Variants in EHMT1 observed in about 807,000 individuals in gnomAD.
EHMT1 encodes the protein histone-lysine N-methyltransferase EHMT1.
EHMT1 carries 15 observed loss-of-function variants against 147.2 expected under a neutral mutation model. The observed-to-expected ratio is 0.10, with a 90% CI of 0.07 to 0.16. EHMT1 has a LOEUF of 0.16. EHMT1 is among the 10% of genes least tolerant of loss of function. The probability of loss-of-function intolerance (pLI) is 1.00; values close to 1 mark genes in which losing one functional copy is unlikely to be tolerated. For missense variants in EHMT1, 1,587 were observed against 1,772.4 expected (o/e 0.90, Z 1.88); for synonymous variants, 795 against 709.6 (o/e 1.12, Z -1.91).
chr9:137,704,762 T>TCCTGCCGTCCCTCCCTCCCG (rs1944109551), intron 1 of EHMT1, among the ~76,000 whole-genome samples: 1 of 148,570 alleles, frequency 6.7e-6, no homozygotes, highest in African/African-American at 2.6e-5. Context: ...TTTCCCTTCC[T>TCCTGCCGTCCCTCCCTCCCG]CCTGCCTTCC....
At chr9:137,639,630 G>C (rs1194107085) in intron 1 of EHMT1, among the ~76,000 whole-genome samples, 1 of 152,084 alleles carries the variant, frequency 6.6e-6, no homozygotes, top group East Asian at 1.9e-4. Context: ...AGCCACTTCA[G>C]TTTTTTTATG....
intron 10 of EHMT1, chr9:137,764,677 A>G (rs1950099328): frequency 6.6e-6 from 1 of 152,222 alleles, no homozygotes; most frequent in Non-Finnish European, 1.5e-5. Flanking sequence ...TGCCTAGTCC[A>G]TGGTCAAAGG....
intron 1 of EHMT1, among the ~76,000 whole-genome samples, chr9:137,666,373 C>G (rs917661058): frequency 6.6e-6 from 1 of 152,240 alleles, no homozygotes; most frequent in Non-Finnish European, 1.5e-5. Context: ...CTTGTTTGAA[C>G]ATTTATAAAG....
intron 1 of EHMT1, among the ~76,000 whole-genome samples, chr9:137,619,602 A>G (rs1842827834): frequency 6.6e-6 from 1 of 152,018 alleles, no homozygotes; most frequent in South Asian, 2.1e-4. Context: ...CTCCCCAGAC[A>G]ATGCTGCTCC....
At chr9:137,751,866 G>A (rs949341177) in intron 6 of EHMT1, among the ~76,000 whole-genome samples, 7 of 152,208 alleles carry the variant, frequency 4.6e-5, no homozygotes, top group East Asian at 1.9e-4. Flanking sequence ...GGATTGGACT[G>A]GGATCATGGG....
At chr9:137,799,057 T>C (rs958199301) in intron 17 of EHMT1, 143 bp downstream of exon 17, 2 of 445,642 alleles carry the variant, frequency 4.5e-6, no homozygotes, top group Non-Finnish European at 3.9e-6. Context: ...AGCGTCCTCT[T>C]CCACACTTAG....
chr9:137,788,821 G>A (rs1290613461), intron 15 of EHMT1: 4 of 152,324 alleles, frequency 2.6e-5, no homozygotes, highest in Admixed American at 6.5e-5. Flanking sequence ...CAGGCTGTGT[G>A]GGACTTGGTC....
At chr9:137,696,985 G>C (rs1943445695) in intron 1 of EHMT1, among the ~76,000 whole-genome samples, 2 of 152,228 alleles carry the variant, frequency 1.3e-5, no homozygotes, top group South Asian at 4.1e-4. Flanking sequence ...CTGGCCCTGT[G>C]AAAACAGTGC....
chr9:137,794,378 T>C (rs764611330), intron 16 of EHMT1, among the ~76,000 whole-genome samples: 1 of 152,206 alleles, frequency 6.6e-6, no homozygotes, highest in Non-Finnish European at 1.5e-5. Flanking sequence ...CCAGGTTCAG[T>C]GGCTTGCTTC....
At chr9:137,663,047 C>G (rs1182067945) in intron 1 of EHMT1, among the ~76,000 whole-genome samples, 1 of 152,150 alleles carries the variant, frequency 6.6e-6, no homozygotes, top group Non-Finnish European at 1.5e-5. Flanking sequence ...CCTGCCTCGG[C>G]CTCCCAAAGT....
At chr9:137,817,277 C>T (rs1236185568) in intron 23 of EHMT1, 162 bp from the exon 24 acceptor site, 14 of 776,796 alleles carry the variant, frequency 1.8e-5, no homozygotes, top group East Asian at 8.1e-5. Flanking sequence ...CCTGAGAGTG[C>T]GAGATGCCGT....
intron 1 of EHMT1, among the ~76,000 whole-genome samples, chr9:137,693,097 G>GTGGA (rs1943080952): frequency 6.6e-6 from 1 of 152,130 alleles, no homozygotes; most frequent in South Asian, 2.1e-4. Context: ...AGTGTAGTGG[G>GTGGA]TGGATGGAAA....
At chr9:137,823,572 C>T (rs1235418865) in intron 25 of EHMT1, 20 of 237,374 alleles carry the variant, frequency 8.4e-5, no homozygotes, top group Non-Finnish European at 1.6e-4. Flanking sequence ...CCACCACGCC[C>T]AGCTAATTTT....
At chr9:137,804,908 A>G (rs1250743165) in intron 18 of EHMT1, among the ~76,000 whole-genome samples, 1 of 152,174 alleles carries the variant, frequency 6.6e-6, no homozygotes, top group African/African-American at 2.4e-5. Context: ...CCCATGTGTT[A>G]TTCCACATGT....
chr9:137,753,908 A>G (rs1019837598), intron 7 of EHMT1, among the ~76,000 whole-genome samples: 4 of 152,188 alleles, frequency 2.6e-5, no homozygotes, highest in Non-Finnish European at 4.4e-5. Context: ...CTTTTATGCC[A>G]AACTCAAATA....
rs191821570 is a variant in EHMT1 at position 137,668,990 on chromosome 9, C to G, written c.22-41977C>G. Among the ~76,000 whole-genome samples the G allele has an allele frequency of 7.5e-4, 114 of 152,288 alleles. 2 individuals carry two copies. Among genetic ancestry groups the G allele is most frequent in the Middle Eastern group, 3.4e-3 (1 of 294 alleles). Reference sequence around the variant, plus strand: ...CAAGCTCCGCCTCCCAGGTTCTCGCCATTCTTGTGCCTCAGCCTCCAGATT... The same window carrying G: ...CAAGCTCCGCCTCCCAGGTTCTCGCGATTCTTGTGCCTCAGCCTCCAGATT... On this transcript the variant is annotated intron_variant, in intron 1 of 26. Transcript: ENST00000460843.
intron 25 of EHMT1, among the ~76,000 whole-genome samples, chr9:137,827,965 C>T (rs900404596): frequency 3.9e-5 from 6 of 152,304 alleles, no homozygotes; most frequent in East Asian, 3.9e-4. Flanking sequence ...GCCTCTGAAC[C>T]GTAGGAGCAG....
intron 1 of EHMT1, among the ~76,000 whole-genome samples, chr9:137,635,774 G>T (rs761619999): frequency 2.6e-5 from 4 of 151,098 alleles, no homozygotes; most frequent in African/African-American, 4.8e-5. Context: ...GAGCTGAGAT[G>T]GTGCCACTGC....
rs111522067 is a variant in EHMT1, at chr9:137,621,874, G to A, written c.21+2825G>A. Among the ~76,000 whole-genome samples the A allele has an allele frequency of 3.4e-4, 51 of 150,732 alleles. 1 individual carries two copies. The highest frequency in any genetic ancestry group is 6.6e-4 in the African/African-American group (27 of 41,136). ...TTCTTTTTTAAAATAATGCAGGCAC[G>A]TGCGCATAATTTAAAAAATCAGTGC... is the stretch of plus-strand genomic sequence containing the variant. On this transcript the variant is annotated intron_variant, in intron 1 of 26. Coordinates refer to ENST00000460843, the MANE Select transcript of EHMT1 (RefSeq NM_024757.5).
Sources: allele counts gnomAD v4.1 joint callset (sites outside exome capture counted in the v4.1 genomes callset), GRCh38; gene constraint gnomAD v4.1.1; transcripts MANE v1.5; gene names NCBI Gene and HGNC (gene_info 2026-07-23, HGNC 2026-07-21).